Variants in CLIP1 observed in about 807,000 individuals in gnomAD.
CLIP1 encodes the protein CAP-Gly domain-containing linker protein 1.
CLIP1 carries 66 observed loss-of-function variants against 161.6 expected under a neutral mutation model. The ratio of observed to expected loss-of-function variants is 0.41; its 90% CI spans 0.33 to 0.50. The LOEUF is 0.50. Ranked by LOEUF, CLIP1 falls within the 20% of genes least tolerant of loss-of-function variation. CLIP1 has a pLI of 0.27. For synonymous variants in CLIP1, 598 were observed against 626.2 expected (o/e 0.96, Z 0.67); for missense variants, 1,376 against 1,702.0 (o/e 0.81, Z 3.37).
At chr12:122,309,139 T>C (rs1260053104) in intron 20 of CLIP1, among the ~76,000 whole-genome samples, 1 of 152,236 alleles carries the variant, frequency 6.6e-6, no homozygotes, top group Admixed American at 6.5e-5. Context: ...TGTTGCCATG[T>C]TTAATCAACT....
chr12:122,341,311 G>C lies in CLIP1; in HGVS notation c.1893C>G (p.Ile631Met). 1 of 1,613,888 alleles carries C rather than the reference G, an allele frequency of 6.2e-7. No individual in the cohort carries two copies. Among genetic ancestry groups the C allele is most frequent in the East Asian group, 2.2e-5 (1 of 44,882 alleles). The change falls in exon 11 of 26, where the codon ATC (isoleucine) becomes ATG (methionine). Residue 631 changes from isoleucine (I) to methionine (M), a missense_variant. Coordinates refer to ENST00000620786, the MANE Select transcript of CLIP1 (RefSeq NM_001247997.2). Reference protein sequence around the residue: ...ALWKSKLETAIASHQQAMEEL... With the variant: ...ALWKSKLETAMASHQQAMEEL... ...CTTCCATCGCCTGCTGGTGGGATGC[G>C]ATGGCAGTCTCCAGTTTGGACTTCC...
rs181031712 is a variant in CLIP1, at chr12:122,315,831, C to T, written c.3473+918G>A. Reference sequence around the variant, plus strand: ...AATTTCTTTGTATTTTTAGTAGAGACGGGGTTTCACCGTGTTAGCCAGGAT... The same window carrying T: ...AATTTCTTTGTATTTTTAGTAGAGATGGGGTTTCACCGTGTTAGCCAGGAT... On this transcript the variant is annotated intron_variant, in intron 19 of 25. Coordinates refer to ENST00000620786, the MANE Select transcript of CLIP1 (RefSeq NM_001247997.2). Among the ~76,000 whole-genome samples the T allele has an allele frequency of 3.3e-3, 504 of 151,742 alleles. 3 individuals are homozygous for T. Among genetic ancestry groups the T allele is most frequent in the African/African-American group, 0.012 (482 of 41,398 alleles).
chr12:122,341,906 C>T, intron 10 of CLIP1: 1 of 357,826 alleles, frequency 2.8e-6, no homozygotes, highest in East Asian at 4.7e-5. Context: ...GCCTCAGCCT[C>T]CTGAGTAGCT....
chr12:122,372,080 G>A (rs10773104), intron 3 of CLIP1, among the ~76,000 whole-genome samples: 30,843 of 151,624 alleles, frequency 0.2, 3,508 homozygotes, highest in Admixed American at 0.26. Flanking sequence ...TCAGGAGTTC[G>A]AGACCATACT....
rs1418719101 is a variant in CLIP1 at position 122,272,566 on chromosome 12, G to T, written c.*309C>A. 4 of 273,544 alleles carry T rather than the reference G, an allele frequency of 1.5e-5. No individual in the cohort carries two copies. Among genetic ancestry groups the T allele is most frequent in the Non-Finnish European group, 2.8e-5 (4 of 143,342 alleles). The allele number at this position is 273,544 out of a possible 1,614,324, so 16.9% of individuals were successfully genotyped here. On this transcript the variant is annotated 3_prime_UTR_variant, in exon 26 of 26. Coordinates refer to ENST00000620786, the MANE Select transcript of CLIP1 (RefSeq NM_001247997.2). ...TTTAAAGTTACTTAAATAAGGTATTGTGAGGGTAGGGGTTTTTCTACAAGG... is the reference window on the plus strand; with the variant it reads ...TTTAAAGTTACTTAAATAAGGTATTTTGAGGGTAGGGGTTTTTCTACAAGG...
upstream of CLIP1, among the ~76,000 whole-genome samples, chr12:122,422,797 C>T (rs1452767400): frequency 8.2e-6 from 1 of 121,574 alleles, no homozygotes; most frequent in Non-Finnish European, 1.9e-5. Flanking sequence ...CGCCGCCCCG[C>T]CGCCTCTTTG....
intron 4 of CLIP1, 87 bp from the exon 5 acceptor site, chr12:122,361,268 C>G: frequency 8.7e-7 from 1 of 1,143,694 alleles, no homozygotes; most frequent in Non-Finnish European, 1.3e-6. Flanking sequence ...CAACTCCTAA[C>G]TTACGGTTGG....
At chr12:122,292,831 G>A (rs750124723) in intron 20 of CLIP1, among the ~76,000 whole-genome samples, 5 of 151,704 alleles carry the variant, frequency 3.3e-5, no homozygotes, top group Admixed American at 6.6e-5. Flanking sequence ...GTGAAACCCC[G>A]TCTCTACTAA....
chr12:122,297,471 C>T (rs1430658731), intron 20 of CLIP1, among the ~76,000 whole-genome samples: 1 of 152,204 alleles, frequency 6.6e-6, no homozygotes, highest in Non-Finnish European at 1.5e-5. Context: ...TATGCTGGTG[C>T]TCTCAATGGG....
intron 20 of CLIP1, among the ~76,000 whole-genome samples, chr12:122,308,723 G>C (rs1950965587): frequency 6.6e-6 from 1 of 152,214 alleles, no homozygotes; most frequent in South Asian, 2.1e-4. Context: ...CACATAGCAA[G>C]AGCCCATAAA....
At position 122,377,857 on chromosome 12, in the gene CLIP1, T is replaced by A; in HGVS notation, c.189A>T (p.Arg63=). The stretch of plus-strand genomic sequence containing the variant: ...CAGGCTTATTTCCATTCACCCAAAC[T>A]CGCTCCCCAACTCGAAAGTCATCCA... ...EFVDDFRVGE[R]VWVNGNKPGF... The change falls in exon 3 of 26, where the codon CGA becomes CGT. Residue 63 remains arginine (R), a synonymous_variant. Coordinates refer to ENST00000620786, the MANE Select transcript of CLIP1 (RefSeq NM_001247997.2). The A allele has an allele frequency of 6.2e-7, 1 of 1,613,940 alleles. No homozygotes were observed. Among genetic ancestry groups the A allele is most frequent in the Non-Finnish European group, 8.5e-7 (1 of 1,180,002 alleles).
chr12:122,316,848 G>C lies in CLIP1; in HGVS notation c.3374C>G (p.Thr1125Arg). The stretch of plus-strand genomic sequence containing the variant: ...ATTTTTCAAGTTGTTTTCTTTAAGT[G>C]TGTCCAACTTAAAGACCAAGAGAAA... Reference protein sequence around the residue: ...TNAKLQNELDTLKENNLKNVE... With the variant: ...TNAKLQNELDRLKENNLKNVE... Residue 1125 changes from threonine to arginine, a missense_variant, in exon 19 of 26, where the codon ACA becomes AGA. By Grantham distance (71) the Thr-to-Arg change is moderately conservative (BLOSUM62 -1). Transcript: ENST00000620786. 6.4e-7 allele frequency: 1 copy of C among 1,554,304 alleles called. No individual in the cohort carries two copies. Among genetic ancestry groups the C allele is most frequent in the East Asian group, 2.3e-5 (1 of 43,508 alleles).
Position 122,351,048 on chromosome 12 carries a change from T to A in CLIP1, c.1401+63A>T, listed in dbSNP as rs765956274. 3.2e-6 allele frequency: 4 copies of A among 1,264,560 alleles called. No individual in the cohort carries two copies. In the South Asian group the frequency reaches 5.3e-5, roughly 17 times the overall value. The allele number at this position is 1,264,560 out of a possible 1,614,324, so 78.3% of individuals were successfully genotyped here. A position where few individuals can be genotyped will look rare whatever the true frequency, so the allele number is the denominator to read the frequency against. ...TAGTGTTTGAGTATATCAATAAGCA[T>A]TTTAATCTGTGATCAATCTTTGTTA... On this transcript the variant is annotated intron_variant, in intron 9 of 25. Transcript: ENST00000620786.
At chr12:122,337,087 A>T (rs1256560518) in intron 11 of CLIP1, among the ~76,000 whole-genome samples, 1 of 151,620 alleles carries the variant, frequency 6.6e-6, no homozygotes, top group African/African-American at 2.4e-5. Context: ...TTCCAGCACC[A>T]GCCTCCTAAG....
intron 1 of CLIP1, among the ~76,000 whole-genome samples, chr12:122,401,153 C>G (rs1039513554): frequency 6.6e-6 from 1 of 152,094 alleles, no homozygotes; most frequent in African/African-American, 2.4e-5. Context: ...TCAGGTGATC[C>G]GCCCGTCTTG....
chr12:122,274,244 T>G, intron 24 of CLIP1, 82 bp from the exon 25 acceptor site: 1 of 1,265,168 alleles, frequency 7.9e-7, no homozygotes, highest in Non-Finnish European at 1.1e-6. Flanking sequence ...GTTTATACCT[T>G]TAAGCTCTGG....
chr12:122,283,272 A>G (rs1955717390), intron 21 of CLIP1, among the ~76,000 whole-genome samples: 1 of 152,144 alleles, frequency 6.6e-6, no homozygotes, highest in Non-Finnish European at 1.5e-5. Flanking sequence ...CTGTTTTAAA[A>G]GGCTTACCCA....
At chr12:122,306,478 C>T (rs1032676362) in intron 20 of CLIP1, among the ~76,000 whole-genome samples, 24 of 152,182 alleles carry the variant, frequency 1.6e-4, no homozygotes, top group Admixed American at 1.3e-3. Flanking sequence ...ACCTACACGT[C>T]GTGCTCTATG....
chr12:122,420,952 T>C (rs1219647931), intron 1 of CLIP1, among the ~76,000 whole-genome samples: 1 of 151,302 alleles, frequency 6.6e-6, no homozygotes, highest in Non-Finnish European at 1.5e-5. Flanking sequence ...GATTGATTGA[T>C]TGATGGATGG....
Sources: gnomAD v4.1 joint callset for allele counts (sites outside exome capture counted in the v4.1 genomes callset) on GRCh38, gnomAD v4.1.1 for gene constraint, MANE v1.5 for transcripts, NCBI Gene and HGNC (gene_info 2026-07-23, HGNC 2026-07-21) for gene names.